Variants in FHIT observed in about 807,000 individuals in gnomAD.
FHIT encodes bis(5'-adenosyl)-triphosphatase.
In FHIT, 19 loss-of-function variants were observed where a neutral mutation model predicts 17.9. The observed-to-expected ratio is 1.06, with a 90% confidence interval of 0.74 to 1.56. The LOEUF (loss-of-function observed/expected upper bound fraction) is 1.56, where lower values mean the gene tolerates loss of function less well. Ranked by LOEUF, FHIT falls within the 40% of genes most tolerant of loss-of-function variation. The probability of loss-of-function intolerance (pLI) is 0.00; values close to 1 mark genes in which losing one functional copy is unlikely to be tolerated. For synonymous variants in FHIT, 81 were observed against 69.7 expected (o/e 1.16, Z -0.81); for missense variants, 248 against 189.2 (o/e 1.31, Z -1.82).
intron 5 of FHIT, among the ~76,000 whole-genome samples, chr3:60,454,728 G>A (rs142748960): frequency 5.3e-4 from 80 of 152,070 alleles, no homozygotes; most frequent in Admixed American, 2.4e-3. Flanking sequence ...TTAATAAAAG[G>A]GCCACCATTT....
chr3:60,867,977 G>C (rs1704237321), intron 3 of FHIT, among the ~76,000 whole-genome samples: 1 of 152,152 alleles, frequency 6.6e-6, no homozygotes, highest in Non-Finnish European at 1.5e-5. Context: ...GCACAGTAGA[G>C]GTAGCTTATA....
intron 3 of FHIT, among the ~76,000 whole-genome samples, chr3:60,877,773 C>T (rs1553756847): frequency 6.6e-6 from 1 of 152,040 alleles, no homozygotes; most frequent in Non-Finnish European, 1.5e-5. Flanking sequence ...ACCCTGCTTT[C>T]CTGAAGCTGG....
chr3:60,885,192 A>T (rs1010220102), intron 3 of FHIT, among the ~76,000 whole-genome samples: 2 of 152,194 alleles, frequency 1.3e-5, no homozygotes, highest in African/African-American at 4.8e-5. Context: ...GCTGCAAGAG[A>T]GAATTTGAAA....
intron 4 of FHIT, among the ~76,000 whole-genome samples, chr3:60,786,869 C>G (rs9851860): frequency 0.013 from 1,928 of 151,706 alleles, 42 homozygotes; most frequent in African/African-American, 0.043. Context: ...ATGACTAAAT[C>G]TGAGTATATA....
At chr3:60,884,589 G>A (rs1408081689) in intron 3 of FHIT, among the ~76,000 whole-genome samples, 2 of 151,996 alleles carry the variant, frequency 1.3e-5, no homozygotes, top group Non-Finnish European at 2.9e-5. Flanking sequence ...AATCCTATTT[G>A]CAGCAACATG....
chr3:59,757,421 T>G (rs138094064), intron 8 of FHIT, among the ~76,000 whole-genome samples: 156 of 152,328 alleles, frequency 1.0e-3, no homozygotes, highest in African/African-American at 3.5e-3. Context: ...AACTGATACG[T>G]GTCGATTTTG....
At chr3:60,062,820 C>T (rs767258701) in intron 5 of FHIT, among the ~76,000 whole-genome samples, 1 of 151,978 alleles carries the variant, frequency 6.6e-6, no homozygotes, top group Non-Finnish European at 1.5e-5. Flanking sequence ...ATAGAATTTG[C>T]AGGAGAGTCA....
intron 8 of FHIT, among the ~76,000 whole-genome samples, chr3:59,908,850 T>TTTTTTTTTTTTTTTAG (rs1553712872): frequency 4.7e-5 from 7 of 150,192 alleles, no homozygotes; most frequent in Admixed American, 2.0e-4. Context: ...TTTCATTTTT[T>TTTTTTTTTTTTTTTAG]AATAGTCCAA....
intron 8 of FHIT, among the ~76,000 whole-genome samples, chr3:59,910,691 AG>A (rs1704829246): frequency 6.6e-6 from 1 of 152,192 alleles, no homozygotes; most frequent in South Asian, 2.1e-4. Context: ...AACAAACAAA[AG>A]AACAAGCCTG....
chr3:61,015,661 G>A (rs9816492), intron 3 of FHIT, among the ~76,000 whole-genome samples: 41,161 of 151,990 alleles, frequency 0.27, 6,476 homozygotes, highest in African/African-American at 0.43. Context: ...CTGGTTATTA[G>A]AATAAGAAAT....
intron 5 of FHIT, among the ~76,000 whole-genome samples, chr3:60,520,964 GA>G (rs1291196309): frequency 2.7e-5 from 4 of 149,180 alleles, no homozygotes; most frequent in South Asian, 2.1e-4. Context: ...TCATAGAAGA[GA>G]AAAAAAAAGG....
intron 4 of FHIT, among the ~76,000 whole-genome samples, chr3:60,771,843 C>T (rs2108075509): frequency 6.6e-6 from 1 of 152,254 alleles, no homozygotes; most frequent in South Asian, 2.1e-4. Flanking sequence ...TTCATTTTCA[C>T]CAGCCTGGAA....
At chr3:60,123,798 T>A (rs535577857) in intron 5 of FHIT, among the ~76,000 whole-genome samples, 3 of 151,170 alleles carry the variant, frequency 2.0e-5, no homozygotes, top group Non-Finnish European at 2.9e-5. Flanking sequence ...AAATAATTTA[T>A]AATCTATCAT....
At chr3:60,286,494 A>G (rs1241436651) in intron 5 of FHIT, among the ~76,000 whole-genome samples, 2 of 152,164 alleles carry the variant, frequency 1.3e-5, no homozygotes, top group African/African-American at 4.8e-5. Context: ...GACATTTTCA[A>G]TATTAGTGCT....
At position 59,983,373 on chromosome 3, in the gene FHIT, G is replaced by A. The variant is rs142359427; in HGVS notation, c.279+27998C>T. Among the ~76,000 whole-genome samples the A allele has an allele frequency of 1.2e-3, 180 of 152,220 alleles. 1 individual carries two copies. Among genetic ancestry groups the A allele is most frequent in the Non-Finnish European group, 1.5e-3 (102 of 68,012 alleles). ...GTTTTACTTTCTATGGTTTCAAGTT[G>A]CCTACAATCAACTATGGCCTGAAAA... On this transcript the variant is annotated intron_variant, in intron 7 of 9. Coordinates refer to ENST00000492590, the MANE Select transcript of FHIT (RefSeq NM_002012.4).
At chr3:60,137,826 C>T (rs75221616) in intron 5 of FHIT, among the ~76,000 whole-genome samples, 1 of 151,652 alleles carries the variant, frequency 6.6e-6, no homozygotes, top group African/African-American at 2.4e-5. Context: ...AGTGACAACA[C>T]AAAGTGTAAA....
At chr3:60,637,537 CACT>C (rs1283590050) in intron 4 of FHIT, among the ~76,000 whole-genome samples, 2 of 152,140 alleles carry the variant, frequency 1.3e-5, no homozygotes, top group African/African-American at 4.8e-5. Context: ...CTGCTACCAT[CACT>C]ACTACCATTA....
chr3:60,027,536 G>T (rs1478565068), intron 5 of FHIT, among the ~76,000 whole-genome samples: 1 of 151,844 alleles, frequency 6.6e-6, no homozygotes, highest in East Asian at 1.9e-4. Context: ...AATAACCACA[G>T]CTAAAATAAG....
chr3:60,410,386 G>C (rs557039011), intron 5 of FHIT, among the ~76,000 whole-genome samples: 2 of 152,238 alleles, frequency 1.3e-5, no homozygotes, highest in South Asian at 2.1e-4. Context: ...TTACATTGGA[G>C]ATTTTTATTT....
Sources: gnomAD v4.1 joint callset for allele counts (sites outside exome capture counted in the v4.1 genomes callset) on GRCh38, gnomAD v4.1.1 for gene constraint, MANE v1.5 for transcripts, NCBI Gene and HGNC (gene_info 2026-07-23, HGNC 2026-07-21) for gene names.